The following KIZ variants were observed in gnomAD, a reference collection of about 807,000 sequenced individuals.
KIZ encodes centrosomal protein kizuna.
In KIZ, 68 loss-of-function variants were observed where a neutral mutation model predicts 79.6. The ratio of observed to expected loss-of-function variants is 0.85; its 90% CI spans 0.70 to 1.05. The LOEUF (loss-of-function observed/expected upper bound fraction) is 1.05. Among genes scored for constraint, KIZ ranks in the 50% least tolerant of loss-of-function variants. The pLI is 0.00. For missense variants in KIZ, 797 were observed against 800.4 expected (o/e 1.00, Z 0.05); for synonymous variants, 280 against 281.8 (o/e 0.99, Z 0.06).
At chr20:21,187,938 G>A (rs968768344) in intron 6 of KIZ, among the ~76,000 whole-genome samples, 5 of 152,228 alleles carry the variant, frequency 3.3e-5, no homozygotes, top group South Asian at 4.2e-4. Flanking sequence ...ATTTACCCTC[G>A]TTGGGCCTCA....
At chr20:21,181,842 C>G (rs2034668656) in intron 6 of KIZ, among the ~76,000 whole-genome samples, 1 of 152,128 alleles carries the variant, frequency 6.6e-6, no homozygotes, top group Non-Finnish European at 1.5e-5. Flanking sequence ...CTGTTGGTTG[C>G]CAATAACAGG....
rs567197099 is a variant in KIZ, at chr20:21,129,986, A to G, written c.90-2111A>G. Among the ~76,000 whole-genome samples, 272 of 152,290 alleles carry G rather than the reference A, an allele frequency of 1.8e-3. 1 individual carries two copies. The highest frequency in any genetic ancestry group is 6.2e-3 in the African/African-American group (256 of 41,568). Reference sequence around the variant, plus strand: ...TGCCTCATCACTCCTAAAATCTTCAATGTGTGTTTCCAAAAGCCAAGGATG... The same window carrying G: ...TGCCTCATCACTCCTAAAATCTTCAGTGTGTGTTTCCAAAAGCCAAGGATG... On this transcript the variant is annotated intron_variant, in intron 1 of 12. Coordinates refer to ENST00000619189, the MANE Select transcript of KIZ (RefSeq NM_018474.6).
In KIZ at chr20:21,162,869, A is replaced by G; in HGVS notation, c.1062A>G (p.Glu354=). The stretch of plus-strand genomic sequence containing the variant: ...TTGCAGATCATCTTGCTCACAGGGA[A>G]CCAAAGTCACAAAAGCCCTTCAGAA... ...EGVSDHLAHR[E]PKSQKPFRKM... Residue 354 remains glutamate (E), a synonymous_variant, in exon 6 of 13, where the codon GAA becomes GAG. Transcript: ENST00000619189. 2 of 1,613,286 alleles carry G rather than the reference A, an allele frequency of 1.2e-6. No homozygotes were observed. Among genetic ancestry groups the G allele is most frequent in the Non-Finnish European group, 1.7e-6 (2 of 1,179,594 alleles).
chr20:21,173,352 T>TTGA (rs1235550682), intron 6 of KIZ, among the ~76,000 whole-genome samples: 3 of 150,898 alleles, frequency 2.0e-5, no homozygotes, highest in Non-Finnish European at 3.0e-5. Flanking sequence ...CCAAGATGGG[T>TTGA]TGATCACTTG....
rs1283109107 is a variant in KIZ, at chr20:21,162,133, A to G, written c.668A>G (p.Asn223Ser). Reference sequence around the variant, plus strand: ...ACACAGTGCTTAAATAAGTCTGACAACATAGATGGAAAGGCATCTCTTCAG... The same window carrying G: ...ACACAGTGCTTAAATAAGTCTGACAGCATAGATGGAAAGGCATCTCTTCAG... ...NDTQCLNKSD[N>S]IDGKASLQIG... Residue 223 changes from asparagine to serine, a missense_variant, in exon 5 of 13, where the codon AAC (asparagine) becomes AGC (serine). Physicochemically the swap from Asn to Ser is conservative, Grantham distance 46. Transcript: ENST00000619189. 1.9e-6 allele frequency: 3 copies of G among 1,611,240 alleles called. No homozygotes were observed. Among genetic ancestry groups the G allele is most frequent in the Non-Finnish European group, 2.5e-6 (3 of 1,178,600 alleles).
At chr20:21,220,517 T>TC (rs2036468279) in intron 9 of KIZ, among the ~76,000 whole-genome samples, 1 of 152,158 alleles carries the variant, frequency 6.6e-6, no homozygotes, top group Non-Finnish European at 1.5e-5. Flanking sequence ...AGAGTCTCAC[T>TC]CCATCACCCA....
chr20:21,175,897 T>A lies in KIZ; in HGVS notation c.1352+12738T>A, dbSNP rs149257572. ...CAGTCATGGTGGCACACGCCTGTAT[T>A]CCCAGCTACTCAGGAGGCTGAGTTG... On this transcript the variant is annotated intron_variant, in intron 6 of 12. Transcript: ENST00000619189. 1.6e-3 allele frequency among the ~76,000 whole-genome samples: 249 copies of A among 152,262 alleles called. 1 individual carries two copies. Among genetic ancestry groups the A allele is most frequent in the African/African-American group, 5.9e-3 (246 of 41,546 alleles).
intron 4 of KIZ, among the ~76,000 whole-genome samples, chr20:21,155,105 A>G (rs2033311256): frequency 6.6e-6 from 1 of 152,220 alleles, no homozygotes. Flanking sequence ...ACAGTTTGGC[A>G]GTTCCTGAAA....
At chr20:21,207,691 A>G (rs2035891392) in intron 7 of KIZ, among the ~76,000 whole-genome samples, 1 of 151,612 alleles carries the variant, frequency 6.6e-6, no homozygotes, top group Non-Finnish European at 1.5e-5. Flanking sequence ...TTCTTTGCTG[A>G]TGAATGTAGA....
At chr20:21,200,469 A>T (rs2035547546) in intron 6 of KIZ, among the ~76,000 whole-genome samples, 1 of 151,902 alleles carries the variant, frequency 6.6e-6, no homozygotes, top group African/African-American at 2.4e-5. Context: ...ATGGAAAATT[A>T]GTGGGAGCCT....
chr20:21,234,640 C>G (rs1016321910), intron 11 of KIZ, among the ~76,000 whole-genome samples: 4 of 151,854 alleles, frequency 2.6e-5, no homozygotes, highest in African/African-American at 7.3e-5. Context: ...CAAGTGGTCT[C>G]GAAACCCGGT....
At chr20:21,244,962 CT>C in intron 12 of KIZ, 1 of 152,672 alleles carries the variant, frequency 6.5e-6, no homozygotes, top group Non-Finnish European at 1.5e-5. Context: ...TAGGGAGTTC[CT>C]TTTCCTTTTC....
chr20:21,234,922 C>T (rs2036955931), intron 11 of KIZ, among the ~76,000 whole-genome samples: 1 of 152,124 alleles, frequency 6.6e-6, no homozygotes, highest in South Asian at 2.1e-4. Context: ...TTGTCTGCAC[C>T]TCATTATGTG....
intron 4 of KIZ, among the ~76,000 whole-genome samples, chr20:21,147,901 G>T (rs75845586): frequency 0.033 from 4,965 of 151,786 alleles, 130 homozygotes; most frequent in Admixed American, 0.086. Flanking sequence ...AAGCTACCTT[G>T]TGGGATTTGG....
At chr20:21,242,625 G>T (rs1010041314) in intron 11 of KIZ, among the ~76,000 whole-genome samples, 2 of 151,948 alleles carry the variant, frequency 1.3e-5, no homozygotes, top group Admixed American at 1.3e-4. Context: ...GAGGAGTGGA[G>T]ACTGGAGAGG....
Position 21,244,231 on chromosome 20 carries a change from T to G in KIZ, c.1881-14T>G. ...TTTCTTTTTCAGAACTTAGACTGTTTCTTTATTTTGCAGGCATGAAAACAA... is the reference window on the plus strand; with the variant it reads ...TTTCTTTTTCAGAACTTAGACTGTTGCTTTATTTTGCAGGCATGAAAACAA... On this transcript the variant is annotated splice_polypyrimidine_tract_variant and intron_variant, in intron 11 of 12. Transcript: ENST00000619189. 4 of 1,571,984 alleles carry G rather than the reference T, an allele frequency of 2.5e-6. No homozygotes were observed. Among genetic ancestry groups the G allele is most frequent in the Non-Finnish European group, 3.5e-6 (4 of 1,142,306 alleles).
intron 7 of KIZ, among the ~76,000 whole-genome samples, chr20:21,214,291 TTAC>T (rs1248779683): frequency 6.6e-6 from 1 of 152,154 alleles, no homozygotes; most frequent in Admixed American, 6.5e-5. Flanking sequence ...TATTTCTGCA[TTAC>T]ATAAGATTCA....
Position 21,162,361 on chromosome 20 carries a change from C to G in KIZ, c.896C>G (p.Ser299Ter). 2 of 1,613,834 alleles carry G rather than the reference C, an allele frequency of 1.2e-6. No individual in the cohort carries two copies. Among genetic ancestry groups the G allele is most frequent in the Non-Finnish European group, 1.7e-6 (2 of 1,179,838 alleles). Residue 299 changes from serine (S) to a stop codon, truncating the protein, a stop_gained, in exon 5 of 13, where the codon TCA becomes TGA. Transcript: ENST00000619189. LOFTEE classifies it high-confidence loss of function. ...TDLKCDSSSGSEGEILTREHI... is the reference protein window; with the variant it reads ...TDLKCDSSSG Reference sequence around the variant, plus strand: ...TTAAAGTGTGACAGTTCCAGCGGATCAGAGGGAGAAATACTGACACGGGAA... The same window carrying G: ...TTAAAGTGTGACAGTTCCAGCGGATGAGAGGGAGAAATACTGACACGGGAA...
intron 11 of KIZ, among the ~76,000 whole-genome samples, chr20:21,242,890 C>G (rs930936787): frequency 6.6e-6 from 1 of 152,164 alleles, no homozygotes; most frequent in Admixed American, 6.5e-5. Flanking sequence ...TCCTGCTCCC[C>G]CTGTGGCTCT....
Sources: gnomAD v4.1 joint callset for allele counts (sites outside exome capture counted in the v4.1 genomes callset) on GRCh38, gnomAD v4.1.1 for gene constraint, MANE v1.5 for transcripts, NCBI Gene and HGNC (gene_info 2026-07-23, HGNC 2026-07-21) for gene names.